Variants in DCC observed in about 807,000 individuals in gnomAD.
DCC encodes the protein netrin receptor DCC.
Under a neutral mutation model 172.5 loss-of-function variants are expected in DCC, and 58 were observed. That is an observed-to-expected ratio of 0.34 (90% CI 0.27 to 0.42). The LOEUF (loss-of-function observed/expected upper bound fraction) is 0.42. DCC is among the 10% of genes least tolerant of loss of function. The probability of loss-of-function intolerance (pLI) is 1.00; values close to 1 mark genes in which losing one functional copy is unlikely to be tolerated. For missense variants in DCC, 1,740 were observed against 1,791.0 expected (o/e 0.97, Z 0.51); for synonymous variants, 709 against 644.5 (o/e 1.10, Z -1.52).
intron 25 of DCC, among the ~76,000 whole-genome samples, chr18:53,468,393 T>C (rs187989412): frequency 9.3e-5 from 14 of 150,126 alleles, no homozygotes. Context: ...TATTTATTTA[T>C]TTATTTTGAG....
intron 5 of DCC, among the ~76,000 whole-genome samples, chr18:52,950,182 T>C (rs1420070695): frequency 6.6e-6 from 1 of 152,204 alleles, no homozygotes; most frequent in African/African-American, 2.4e-5. Flanking sequence ...TGTCTCCTGA[T>C]TCATCAAGTT....
chr18:53,320,309 T>C (rs2057396199), intron 13 of DCC, among the ~76,000 whole-genome samples: 1 of 152,134 alleles, frequency 6.6e-6, no homozygotes, highest in African/African-American at 2.4e-5. Context: ...CCTGACTTTG[T>C]GATCCGCCCG....
At chr18:52,848,295 C>A (rs994010208) in intron 2 of DCC, among the ~76,000 whole-genome samples, 7 of 152,006 alleles carry the variant, frequency 4.6e-5, no homozygotes, top group African/African-American at 7.2e-5. Flanking sequence ...CCATGTTGGC[C>A]AGGCTAGTCT....
chr18:52,386,023 G>A (rs908348873), intron 1 of DCC, among the ~76,000 whole-genome samples: 2 of 152,046 alleles, frequency 1.3e-5, no homozygotes, highest in African/African-American at 2.4e-5. Flanking sequence ...CGCAGATATA[G>A]GTAGATTCTT....
At chr18:53,009,536 C>T (rs1237939428) in intron 5 of DCC, among the ~76,000 whole-genome samples, 1 of 151,746 alleles carries the variant, frequency 6.6e-6, no homozygotes, top group Non-Finnish European at 1.5e-5. Context: ...ATTGTTAAAA[C>T]TCTGAATTCA....
intron 2 of DCC, among the ~76,000 whole-genome samples, chr18:52,854,096 T>A (rs942357068): frequency 6.6e-6 from 1 of 152,210 alleles, no homozygotes; most frequent in African/African-American, 2.4e-5. Context: ...TTTTAATAGA[T>A]GTCATAAGTA....
At chr18:52,467,566 A>G (rs1192110815) in intron 1 of DCC, among the ~76,000 whole-genome samples, 2 of 152,220 alleles carry the variant, frequency 1.3e-5, no homozygotes, top group Non-Finnish European at 2.9e-5. Context: ...TATACCCAAT[A>G]GTGGGATTGC....
intron 5 of DCC, among the ~76,000 whole-genome samples, chr18:52,929,440 A>G (rs1429878617): frequency 1.3e-5 from 2 of 152,180 alleles, no homozygotes; most frequent in South Asian, 2.1e-4. Context: ...TTGGTTAATA[A>G]TTAGTCACTT....
At chr18:52,587,114 G>T (rs2033692742) in intron 1 of DCC, among the ~76,000 whole-genome samples, 2 of 152,196 alleles carry the variant, frequency 1.3e-5, no homozygotes, top group Non-Finnish European at 2.9e-5. Flanking sequence ...TTTCCATGAT[G>T]AAAGATGTCC....
At chr18:52,423,623 GA>G (rs1987325051) in intron 1 of DCC, among the ~76,000 whole-genome samples, 1 of 152,014 alleles carries the variant, frequency 6.6e-6, no homozygotes, top group Admixed American at 6.6e-5. Context: ...GTCAAAAAAT[GA>G]CAATTGGTTT....
chr18:52,397,774 T>C lies in DCC; in HGVS notation c.91+56896T>C, dbSNP rs182271219. ...GGTATTGACTCTGTGACTCTACCTT[T>C]GAGTTTGTATAATATTTTATTCCAA... is the stretch of plus-strand genomic sequence containing the variant. On this transcript the variant is annotated intron_variant, in intron 1 of 28. Coordinates refer to ENST00000442544, the MANE Select transcript of DCC (RefSeq NM_005215.4). Among the ~76,000 whole-genome samples the C allele has an allele frequency of 1.1e-3, 161 of 152,136 alleles. 4 individuals carry two copies. Among genetic ancestry groups the C allele is most frequent in the African/African-American group, 3.5e-3 (147 of 41,526 alleles).
intron 7 of DCC, among the ~76,000 whole-genome samples, chr18:53,108,300 A>G (rs1276651994): frequency 6.6e-6 from 1 of 151,764 alleles, no homozygotes; most frequent in African/African-American, 2.4e-5. Flanking sequence ...TTGCTTGCCT[A>G]TGTTTCACAC....
intron 7 of DCC, among the ~76,000 whole-genome samples, chr18:53,086,691 G>A (rs369243590): frequency 1.1e-4 from 14 of 126,126 alleles, no homozygotes; most frequent in Middle Eastern, 3.7e-3. Flanking sequence ...ATGCTAGTGC[G>A]CTGCACCCAC....
intron 1 of DCC, among the ~76,000 whole-genome samples, chr18:52,651,618 T>C (rs2035133292): frequency 6.6e-6 from 1 of 152,106 alleles, no homozygotes; most frequent in African/African-American, 2.4e-5. Context: ...TATTATATAG[T>C]ATGTTATTAA....
At chr18:53,354,244 G>A (rs1281898395) in intron 15 of DCC, among the ~76,000 whole-genome samples, 1 of 152,262 alleles carries the variant, frequency 6.6e-6, no homozygotes, top group Middle Eastern at 3.4e-3. Context: ...TGTCTTTATA[G>A]CAGCATGCTT....
chr18:53,111,826 T>C (rs1251928683), intron 7 of DCC, among the ~76,000 whole-genome samples: 1 of 151,684 alleles, frequency 6.6e-6, no homozygotes, highest in Admixed American at 6.6e-5. Flanking sequence ...AACTTGGAGA[T>C]TCAGCCAAGC....
chr18:53,286,194 G>A (rs113095610), intron 12 of DCC, among the ~76,000 whole-genome samples: 40 of 152,142 alleles, frequency 2.6e-4, no homozygotes, highest in African/African-American at 8.2e-4. Flanking sequence ...TTGAGGGGCC[G>A]GGGGTGAAAT....
At chr18:52,805,751 A>T (rs2038073241) in intron 2 of DCC, among the ~76,000 whole-genome samples, 1 of 152,228 alleles carries the variant, frequency 6.6e-6, no homozygotes, top group African/African-American at 2.4e-5. Flanking sequence ...CATAACTGGA[A>T]GTAGAAGGGA....
chr18:53,345,423 A>G (rs957316877), intron 15 of DCC, among the ~76,000 whole-genome samples: 2 of 152,142 alleles, frequency 1.3e-5, no homozygotes, highest in Non-Finnish European at 2.9e-5. Flanking sequence ...TGTAATTGTC[A>G]TATGTATTAC....
Sources: allele counts gnomAD v4.1 joint callset (sites outside exome capture counted in the v4.1 genomes callset), GRCh38; gene constraint gnomAD v4.1.1; transcripts MANE v1.5; gene names NCBI Gene and HGNC (gene_info 2026-07-23, HGNC 2026-07-21).